BTD: variants seen among roughly 807,000 people sequenced by gnomAD.
The protein encoded by BTD is biocytinase.
In BTD, 13 loss-of-function variants were observed where a neutral mutation model predicts 17.7. The observed-to-expected ratio is 0.74, with a 90% CI of 0.48 to 1.17. BTD has a LOEUF of 1.17. BTD is among the 50% of genes most tolerant of loss of function. The pLI is 0.00. For missense variants in BTD, 674 were observed against 650.4 expected (o/e 1.04, Z -0.39); for synonymous variants, 240 against 245.2 (o/e 0.98, Z 0.20).
rs996244058 is a variant in BTD, at chr3:15,648,935, C to T, written c.*3447C>T. On this transcript the variant is annotated 3_prime_UTR_variant, in exon 4 of 4. Coordinates refer to ENST00000643237, the MANE Select transcript of BTD (RefSeq NM_001370658.1). ...ACACCAGAAATTGCTTGCCAACAAA[C>T]ACCAGAAATTAGAAGAGGCAAGAAA... Among the ~76,000 whole-genome samples the T allele has an allele frequency of 1.8e-4, 27 of 152,166 alleles. No individual in the cohort carries two copies. Among genetic ancestry groups the T allele is most frequent in the African/African-American group, 6.3e-4 (26 of 41,430 alleles).
chr3:15,680,098 G>A (rs1559321926), intron 3 of BTD, among the ~76,000 whole-genome samples: 1 of 152,090 alleles, frequency 6.6e-6, no homozygotes, highest in Non-Finnish European at 1.5e-5. Context: ...AGAAATGACT[G>A]TGCTATTTTT....
Position 15,635,303 on chromosome 3 carries a change from G to A in BTD, c.-16-121G>A. On this transcript the variant is annotated intron_variant, in intron 1 of 3. Coordinates refer to ENST00000643237, the MANE Select transcript of BTD (RefSeq NM_001370658.1). The surrounding 1 kb of genome is among the most constrained non-coding windows in gnomAD (Gnocchi z 4.1). ...ATTAGGAACATGAAACAAACTCTTT[G>A]AGCCGCAGTATCACTGCGAGTGAGT... 1 of 1,431,860 alleles carries A rather than the reference G, an allele frequency of 7.0e-7. No individual in the cohort carries two copies. Among genetic ancestry groups the A allele is most frequent in the Non-Finnish European group, 9.8e-7 (1 of 1,024,802 alleles). The allele number at this position is 1,431,860 out of a possible 1,614,324, so 88.7% of individuals were successfully genotyped here. A position where few individuals can be genotyped will look rare whatever the true frequency, so the allele number is the denominator to read the frequency against.
chr3:15,674,561 T>C (rs1451444210), intron 3 of BTD, among the ~76,000 whole-genome samples: 5 of 152,296 alleles, frequency 3.3e-5, no homozygotes, highest in South Asian at 2.1e-4. Flanking sequence ...CACGTGGATA[T>C]ATAGAGACTG....
At chr3:15,638,435 CCA>C (rs1430146799) in intron 2 of BTD, among the ~76,000 whole-genome samples, 13 of 152,308 alleles carry the variant, frequency 8.5e-5, no homozygotes, top group Non-Finnish European at 4.4e-5. Flanking sequence ...ACTCACCAAG[CCA>C]CAGACTTGTC....
At chr3:15,686,124 GCAA>G (rs1302942024) in intron 3 of BTD, 3 of 1,611,120 alleles carry the variant, frequency 1.9e-6, no homozygotes, top group Non-Finnish European at 1.7e-6. Context: ...GGCGTCCTGA[GCAA>G]CAACAGGAAT....
intron 3 of BTD, chr3:15,689,840 CT>C (rs768227766): frequency 3.4e-6 from 2 of 592,412 alleles, no homozygotes; most frequent in Non-Finnish European, 5.8e-6. Context: ...ATGACGGAGG[CT>C]TTGTAAATTC....
chr3:15,602,544 A>C (rs115571771), intron 1 of BTD, among the ~76,000 whole-genome samples: 6 of 152,310 alleles, frequency 3.9e-5, no homozygotes, highest in African/African-American at 1.4e-4. Flanking sequence ...CAGTGACAAT[A>C]AACATAAAAT....
chr3:15,714,547 A>AAAAC (rs200662705), downstream of BTD: 21 of 1,463,640 alleles, frequency 1.4e-5, no homozygotes, highest in South Asian at 4.0e-5. Context: ...AAAAAAAAAA[A>AAAAC]CCCCAAAAAA....
chr3:15,699,051 C>T (rs1047883733), intron 3 of BTD, among the ~76,000 whole-genome samples: 2 of 152,118 alleles, frequency 1.3e-5, no homozygotes, highest in African/African-American at 2.4e-5. Context: ...GTATATAGAA[C>T]AATGGAACAG....
rs1372648711 is a variant in BTD, at chr3:15,641,834, C to T, written c.250-74C>T. The T allele has an allele frequency of 5.7e-5, 66 of 1,159,556 alleles. No homozygotes were observed. In the East Asian group the frequency reaches 1.5e-3, roughly 27 times the overall value. The allele number at this position is 1,159,556 out of a possible 1,614,324, so 71.8% of individuals were successfully genotyped here. A position where few individuals can be genotyped will look rare whatever the true frequency, so the allele number is the denominator to read the frequency against. ...TCCTGATGGTTGCCAAAAGAATGAA[C>T]AGAAGAATGAATGAATGCAGCGGTT... is the stretch of plus-strand genomic sequence containing the variant. On this transcript the variant is annotated intron_variant, in intron 2 of 3. Transcript: ENST00000643237.
At chr3:15,699,306 G>A (rs1220368223) in intron 3 of BTD, among the ~76,000 whole-genome samples, 1 of 152,050 alleles carries the variant, frequency 6.6e-6, no homozygotes, top group South Asian at 2.1e-4. Context: ...AAAACCTAGG[G>A]CATACCATTC....
At chr3:15,626,251 G>A (rs571051851) in intron 1 of BTD, among the ~76,000 whole-genome samples, 1 of 152,272 alleles carries the variant, frequency 6.6e-6, no homozygotes, top group African/African-American at 2.4e-5. Context: ...AAAAGCATGT[G>A]GGCTTTTGGT....
intron 3 of BTD, chr3:15,694,719 G>A: frequency 1.9e-6 from 3 of 1,607,502 alleles, no homozygotes; most frequent in Non-Finnish European, 2.6e-6. Flanking sequence ...CATCAAGTCG[G>A]CTATGAAGGC....
chr3:15,714,525 C>T (rs1373258764), downstream of BTD: 4 of 1,009,904 alleles, frequency 4.0e-6, no homozygotes, highest in East Asian at 3.6e-5. Context: ...GTTTTTACTA[C>T]ATTTAAGAAA....
Position 15,645,226 on chromosome 3 carries a change from T to C in BTD, c.1310T>C (p.Val437Ala), listed in dbSNP as rs149690919. The C allele has an allele frequency of 2.1e-5, 34 of 1,614,166 alleles. No individual in the cohort carries two copies. In the African/African-American group the frequency reaches 4.1e-4, roughly 20 times the overall value. The change falls in exon 4 of 4, where the codon GTG becomes GCG. Residue 437 changes from valine to alanine, a missense_variant. By Grantham distance (64) the Val-to-Ala change is moderately conservative. Transcript: ENST00000643237. ...GTACATGGCACTTACTACATCCAAG[T>C]GTGTGCCCTGGTCAGGTGTGGGGGT... is the stretch of plus-strand genomic sequence containing the variant. ...HTVHGTYYIQ[V>A]CALVRCGGLG...
downstream of BTD, among the ~76,000 whole-genome samples, chr3:15,658,601 GA>G (rs1431491524): frequency 6.6e-6 from 1 of 152,046 alleles, no homozygotes; most frequent in Non-Finnish European, 1.5e-5. Context: ...ACACAGAGTG[GA>G]AGCTACCCTG....
At chr3:15,662,530 ATCATG>A (rs772382775) in intron 3 of BTD, among the ~76,000 whole-genome samples, 17 of 152,212 alleles carry the variant, frequency 1.1e-4, no homozygotes, top group African/African-American at 3.9e-4. Flanking sequence ...TACATAAATG[ATCATG>A]TCATTTGTGA....
In BTD at chr3:15,635,013, G is replaced by A. The variant is rs187138404; in HGVS notation, c.-16-411G>A. The stretch of plus-strand genomic sequence containing the variant: ...CACAGACATTACGGATGGCTGACCT[G>A]TAGTATGGATAGAGGGCAGAGGGTA... On this transcript the variant is annotated intron_variant, in intron 1 of 3. Coordinates refer to ENST00000643237, the MANE Select transcript of BTD (RefSeq NM_001370658.1). The surrounding 1 kb of genome is among the most constrained non-coding windows in gnomAD (Gnocchi z 4.1). Among the ~76,000 whole-genome samples, 3 of 115,378 alleles carry A rather than the reference G, an allele frequency of 2.6e-5. No individual in the cohort carries two copies. The highest frequency in any genetic ancestry group is 5.2e-5 in the Non-Finnish European group (3 of 58,250). 75.7% of individuals were successfully genotyped at this position (115,378 alleles called of 152,430 possible).
Position 15,601,835 on chromosome 3 carries a change from G to T in BTD, c.-76G>T. The T allele has an allele frequency of 6.2e-7, 1 of 1,614,234 alleles. No individual in the cohort carries two copies. Among genetic ancestry groups the T allele is most frequent in the Non-Finnish European group, 8.5e-7 (1 of 1,180,050 alleles). The stretch of plus-strand genomic sequence containing the variant: ...GAGTCGGCCAGCTGGAGCGTTTTCG[G>T]GGCTGTAAAGGGAGAATGGCGCATG... On this transcript the variant is annotated 5_prime_UTR_variant, in exon 1 of 4. Transcript: ENST00000643237.
Sources: allele counts gnomAD v4.1 joint callset (sites outside exome capture counted in the v4.1 genomes callset), GRCh38; gene constraint gnomAD v4.1.1; non-coding constraint Gnocchi (gnomAD v3.1); transcripts MANE v1.5; gene names NCBI Gene and HGNC (gene_info 2026-07-23, HGNC 2026-07-21).